Variants in REC114 observed in about 807,000 individuals in gnomAD.
The protein encoded by REC114 is REC114 meiotic recombination protein, also known as meiotic recombination protein REC114.
REC114 carries 27 observed loss-of-function variants against 31.3 expected under a neutral mutation model. That is an observed-to-expected ratio of 0.86 (90% CI 0.64 to 1.19). The LOEUF (loss-of-function observed/expected upper bound fraction) is 1.19, where lower values mean the gene tolerates loss of function less well. Among genes scored for constraint, REC114 ranks in the 50% most tolerant of loss-of-function variants. The pLI is 0.00. For missense variants in REC114, 344 were observed against 326.9 expected (o/e 1.05, Z -0.40); for synonymous variants, 134 against 127.7 (o/e 1.05, Z -0.33).
intron 3 of REC114, among the ~76,000 whole-genome samples, chr15:73,550,512 G>C (rs1443673120): frequency 1.3e-5 from 2 of 152,180 alleles, no homozygotes; most frequent in Non-Finnish European, 2.9e-5. Flanking sequence ...GTTTAACATA[G>C]TTATCTACCT....
chr15:73,513,126 T>G (rs1304900385), intron 2 of REC114, among the ~76,000 whole-genome samples: 3 of 144,998 alleles, frequency 2.1e-5, no homozygotes, highest in Non-Finnish European at 4.6e-5. Flanking sequence ...CCATATTTCT[T>G]GGAGGCTTTG....
rs543898869 is a variant in REC114 at position 73,543,393 on chromosome 15, C to T, written c.333+2825C>T. 3.0e-3 allele frequency among the ~76,000 whole-genome samples: 458 copies of T among 152,166 alleles called. 1 individual carries two copies. The highest frequency in any genetic ancestry group is 0.01 in the South Asian group (50 of 4,820). On this transcript the variant is annotated intron_variant, in intron 3 of 5. Coordinates refer to ENST00000331090, the MANE Select transcript of REC114 (RefSeq NM_001042367.2). ...TGTTGCCCAGGCTGGAGTGCAATGG[C>T]GTGATCTCAGCTCACTGCAACCTCC...
At chr15:73,537,824 C>T (rs1232075850) in intron 2 of REC114, among the ~76,000 whole-genome samples, 2 of 152,224 alleles carry the variant, frequency 1.3e-5, no homozygotes, top group African/African-American at 4.8e-5. Context: ...CCTGCCACAT[C>T]TGCACTGTTC....
chr15:73,540,345 C>T (rs144701878), intron 2 of REC114, 140 bp from the exon 3 acceptor site: 9 of 717,906 alleles, frequency 1.3e-5, no homozygotes, highest in South Asian at 1.6e-5. Context: ...TCCTTGGCAA[C>T]TGGTTTTATT....
At chr15:73,453,600 C>G (rs961793275) in intron 1 of REC114, among the ~76,000 whole-genome samples, 9 of 152,056 alleles carry the variant, frequency 5.9e-5, no homozygotes, top group African/African-American at 2.2e-4. Flanking sequence ...ACCATTTGAC[C>G]CAGCAATCCC....
intron 1 of REC114, among the ~76,000 whole-genome samples, chr15:73,462,765 GT>G (rs1479622819): frequency 1.3e-5 from 2 of 151,564 alleles, no homozygotes; most frequent in Non-Finnish European, 2.9e-5. Flanking sequence ...GGCACCTGTA[GT>G]CACAGCTACT....
At chr15:73,502,415 C>T (rs1406883458) in intron 2 of REC114, among the ~76,000 whole-genome samples, 1 of 152,108 alleles carries the variant, frequency 6.6e-6, no homozygotes, top group African/African-American at 2.4e-5. Context: ...AACTAATAGC[C>T]TACCGTTGAC....
intron 1 of REC114, among the ~76,000 whole-genome samples, chr15:73,472,840 C>T (rs1053581508): frequency 2.0e-5 from 3 of 151,928 alleles, no homozygotes; most frequent in African/African-American, 2.4e-5. Flanking sequence ...TGTTTAGGTT[C>T]AAGATGAATA....
In REC114 at chr15:73,554,545, A is replaced by G. The variant is rs181537688; in HGVS notation, c.547-1757A>G. Among the ~76,000 whole-genome samples, 58 of 152,254 alleles carry G rather than the reference A, an allele frequency of 3.8e-4. No individual in the cohort carries two copies. In the East Asian group the frequency reaches 0.011, roughly 28 times the overall value. On this transcript the variant is annotated intron_variant, in intron 4 of 5. Transcript: ENST00000331090. ...TTTCCTCAGCCTTGTAATTTTGTTAATTGTGGCTTAACCAGGCATTTCTCA... is the reference window on the plus strand; with the variant it reads ...TTTCCTCAGCCTTGTAATTTTGTTAGTTGTGGCTTAACCAGGCATTTCTCA...
intron 2 of REC114, among the ~76,000 whole-genome samples, chr15:73,516,001 T>C (rs993410772): frequency 1.3e-5 from 2 of 152,038 alleles, no homozygotes; most frequent in Non-Finnish European, 2.9e-5. Flanking sequence ...TTTTTTTTTT[T>C]TGGAGACAGA....
At chr15:73,474,976 T>C (rs372305212) in intron 2 of REC114, among the ~76,000 whole-genome samples, 1 of 152,354 alleles carries the variant, frequency 6.6e-6, no homozygotes, top group East Asian at 1.9e-4. Context: ...TTTTGCTTTA[T>C]CTGCTACTGT....
intron 2 of REC114, among the ~76,000 whole-genome samples, chr15:73,526,967 A>G (rs1296239488): frequency 6.6e-6 from 1 of 152,112 alleles, no homozygotes; most frequent in Non-Finnish European, 1.5e-5. Flanking sequence ...TGATTTAGCA[A>G]TACTCCTGAT....
At chr15:73,452,112 T>C (rs764557543) in intron 1 of REC114, among the ~76,000 whole-genome samples, 1 of 152,130 alleles carries the variant, frequency 6.6e-6, no homozygotes, top group Non-Finnish European at 1.5e-5. Flanking sequence ...CTATTCACCA[T>C]AGTATTGGAA....
chr15:73,500,124 T>G (rs1363551101), intron 2 of REC114, among the ~76,000 whole-genome samples: 4 of 152,144 alleles, frequency 2.6e-5, no homozygotes, highest in Admixed American at 6.5e-5. Context: ...TTTAGCACCT[T>G]GACCATCCTG....
At chr15:73,545,389 CT>C (rs375221533) in intron 3 of REC114, among the ~76,000 whole-genome samples, 13 of 152,318 alleles carry the variant, frequency 8.5e-5, no homozygotes, top group Non-Finnish European at 1.8e-4. Flanking sequence ...CTCATCAAGA[CT>C]TTCAATCTTT....
intron 1 of REC114, among the ~76,000 whole-genome samples, chr15:73,461,720 C>T (rs1892989363): frequency 6.6e-6 from 1 of 151,952 alleles, no homozygotes; most frequent in Non-Finnish European, 1.5e-5. Flanking sequence ...CCAAATAAAG[C>T]TGTGTGTGCT....
chr15:73,520,374 G>A (rs963735662), intron 2 of REC114, among the ~76,000 whole-genome samples: 1 of 152,112 alleles, frequency 6.6e-6, no homozygotes, highest in Non-Finnish European at 1.5e-5. Flanking sequence ...GGGATTACAG[G>A]CGTGTGCCAC....
chr15:73,495,665 G>A (rs1160103407), intron 2 of REC114, among the ~76,000 whole-genome samples: 1 of 152,010 alleles, frequency 6.6e-6, no homozygotes, highest in Non-Finnish European at 1.5e-5. Flanking sequence ...TTATTAAGAG[G>A]CTATAGAATT....
At chr15:73,491,291 G>GTATTATCTTTGTGTATTATCTTAATTTTT (rs1893441871) in intron 2 of REC114, among the ~76,000 whole-genome samples, 2 of 2,196 alleles carry the variant, frequency 9.1e-4, no homozygotes, top group Non-Finnish European at 1.8e-3. Flanking sequence ...TCTTAATTTT[G>GTATTATCTTTGTGTATTATCTTAATTTTT]TGTATTTTCT....
Sources: allele counts gnomAD v4.1 joint callset (sites outside exome capture counted in the v4.1 genomes callset), GRCh38; gene constraint gnomAD v4.1.1; transcripts MANE v1.5; gene names NCBI Gene and HGNC (gene_info 2026-07-23, HGNC 2026-07-21).